The following REEP1 variants were observed in gnomAD, a reference collection of about 807,000 sequenced individuals.
REEP1 encodes the protein receptor accessory protein 1, also known as receptor expression-enhancing protein 1.
A neutral mutation model predicts 40.3 loss-of-function variants in REEP1; 22 were observed. The ratio of observed to expected loss-of-function variants is 0.55; its 90% CI spans 0.39 to 0.78. The LOEUF (loss-of-function observed/expected upper bound fraction) is 0.78. Among genes scored for constraint, REEP1 ranks in the 30% least tolerant of loss-of-function variants. The pLI, the probability that REEP1 is intolerant of heterozygous loss-of-function variation, is 0.00. For synonymous variants in REEP1, 116 were observed against 139.2 expected, an observed-to-expected ratio of 0.83 and a Z score of 1.17; for missense variants, 280 against 361.1, an observed-to-expected ratio of 0.78 and a Z score of 1.82.
intron 4 of REEP1, among the ~76,000 whole-genome samples, chr2:86,252,546 C>T (rs371807917): frequency 3.0e-4 from 45 of 152,296 alleles, no homozygotes; most frequent in African/African-American, 9.1e-4. Context: ...ACCCAACTTG[C>T]GGAGCATGGT....
chr2:86,285,811 A>G (rs994460173), intron 1 of REEP1, among the ~76,000 whole-genome samples: 1 of 152,212 alleles, frequency 6.6e-6, no homozygotes, highest in African/African-American at 2.4e-5. Context: ...CAAGGAACTC[A>G]GCCCACTTGC....
chr2:86,282,975 C>T (rs769741054), intron 1 of REEP1, among the ~76,000 whole-genome samples: 1 of 152,134 alleles, frequency 6.6e-6, no homozygotes, highest in African/African-American at 2.4e-5. Flanking sequence ...AAAGCCTTTG[C>T]CTGTGCTGTT....
At chr2:86,255,076 A>G (rs1011771795) in intron 3 of REEP1, 15 of 400,038 alleles carry the variant, frequency 3.7e-5, no homozygotes, top group African/African-American at 3.0e-4. Context: ...CTCTCCAGCA[A>G]TCACCCCCGT....
At chr2:86,314,034 T>G (rs187589082) in intron 1 of REEP1, among the ~76,000 whole-genome samples, 323 of 152,334 alleles carry the variant, frequency 2.1e-3, no homozygotes, top group Non-Finnish European at 3.7e-3. Flanking sequence ...CAACCACAGA[T>G]GTGAAGCCAT....
chr2:86,294,112 T>C (rs1678860176), intron 1 of REEP1, among the ~76,000 whole-genome samples: 1 of 152,098 alleles, frequency 6.6e-6, no homozygotes, highest in Admixed American at 6.5e-5. Context: ...CTCATAAAAA[T>C]AGAAAGTAGA....
At chr2:86,322,789 G>A (rs935814676) in intron 1 of REEP1, among the ~76,000 whole-genome samples, 3 of 151,966 alleles carry the variant, frequency 2.0e-5, no homozygotes, top group African/African-American at 4.8e-5. Flanking sequence ...GCGTGGTGGT[G>A]CACACCTATA....
chr2:86,248,430 T>G (rs1249998174), intron 5 of REEP1, among the ~76,000 whole-genome samples: 2 of 151,936 alleles, frequency 1.3e-5, no homozygotes, highest in Non-Finnish European at 2.9e-5. Flanking sequence ...TATTTATTTA[T>G]TTATTTATTT....
At position 86,216,019 on chromosome 2, in the gene REEP1, GT is replaced by G. The variant is rs1318435081; in HGVS notation, c.*1019del. 6.6e-6 allele frequency: 1 copy of G among 152,162 alleles called. No homozygotes were observed. The highest frequency in any genetic ancestry group is 2.4e-5 in the African/African-American group (1 of 41,444). The allele number at this position is 152,162 out of a possible 1,614,324, so 9.4% of individuals were successfully genotyped here. The stretch of plus-strand genomic sequence containing the variant: ...CAGCAGAGTTCTCAGTTTTTTGTGT[GT>G]TTGTTTTTGCTAAGCTAAACAAGTT... On this transcript the variant is annotated 3_prime_UTR_variant, in exon 9 of 9. Coordinates refer to ENST00000538924, the MANE Select transcript of REEP1 (RefSeq NM_001371279.1).
chr2:86,320,255 C>T (rs1680219598), intron 1 of REEP1, among the ~76,000 whole-genome samples: 1 of 152,226 alleles, frequency 6.6e-6, no homozygotes, highest in Non-Finnish European at 1.5e-5. Flanking sequence ...ACCTCATCCT[C>T]ACATAAGTTT....
intron 2 of REEP1, among the ~76,000 whole-genome samples, chr2:86,276,063 A>G (rs1461717998): frequency 2.0e-5 from 3 of 152,212 alleles, no homozygotes; most frequent in Non-Finnish European, 4.4e-5. Flanking sequence ...CTCCTTCCTC[A>G]GGCTTGATAG....
chr2:86,265,831 G>C (rs1482732787), intron 2 of REEP1, among the ~76,000 whole-genome samples: 3 of 152,088 alleles, frequency 2.0e-5, no homozygotes, highest in African/African-American at 2.4e-5. Flanking sequence ...CTACCGAATG[G>C]GTACAATTTA....
chr2:86,238,053 T>C (rs1368529812), intron 5 of REEP1, among the ~76,000 whole-genome samples: 2 of 152,096 alleles, frequency 1.3e-5, no homozygotes, highest in Non-Finnish European at 1.5e-5. Flanking sequence ...TGGTGGTGCA[T>C]GCCTATAATC....
At chr2:86,271,419 G>T (rs1677441995) in intron 2 of REEP1, among the ~76,000 whole-genome samples, 1 of 151,356 alleles carries the variant, frequency 6.6e-6, no homozygotes, top group African/African-American at 2.4e-5. Context: ...ACACACAAGA[G>T]AATGAGAATA....
intron 5 of REEP1, among the ~76,000 whole-genome samples, chr2:86,243,555 C>G (rs2104149252): frequency 6.6e-6 from 1 of 152,244 alleles, no homozygotes; most frequent in South Asian, 2.1e-4. Flanking sequence ...ATGCATGGAG[C>G]AGTGTGAGGT....
intron 2 of REEP1, among the ~76,000 whole-genome samples, chr2:86,270,306 C>T (rs1677370749): frequency 1.3e-5 from 2 of 152,192 alleles, no homozygotes; most frequent in Admixed American, 1.3e-4. Context: ...AAGTGATTCT[C>T]CTGCCTCAGC....
intron 1 of REEP1, among the ~76,000 whole-genome samples, chr2:86,282,671 A>G (rs1303611730): frequency 6.6e-6 from 1 of 152,150 alleles, no homozygotes; most frequent in Non-Finnish European, 1.5e-5. Flanking sequence ...ACTTGATCTC[A>G]GCATCCTGCA....
At chr2:86,271,059 G>T (rs1436738522) in intron 2 of REEP1, among the ~76,000 whole-genome samples, 1 of 151,910 alleles carries the variant, frequency 6.6e-6, no homozygotes, top group East Asian at 1.9e-4. Context: ...GGGCATGGTG[G>T]TGAGTGCCTG....
chr2:86,218,957 C>T (rs951089161), intron 8 of REEP1, among the ~76,000 whole-genome samples: 5 of 152,158 alleles, frequency 3.3e-5, no homozygotes, highest in East Asian at 1.9e-4. Flanking sequence ...CCTCTCAGGC[C>T]GTGATACTCA....
chr2:86,221,912 G>A (rs1020884377), intron 7 of REEP1, among the ~76,000 whole-genome samples: 5 of 152,158 alleles, frequency 3.3e-5, no homozygotes, highest in African/African-American at 1.2e-4. Context: ...GGCAAAAACT[G>A]CAGAAGCAGC....
Sources: allele counts gnomAD v4.1 joint callset (sites outside exome capture counted in the v4.1 genomes callset), GRCh38; gene constraint gnomAD v4.1.1; transcripts MANE v1.5; gene names NCBI Gene and HGNC (gene_info 2026-07-23, HGNC 2026-07-21).